The following NALF1 variants were observed in gnomAD, a reference collection of about 807,000 sequenced individuals.
NALF1 encodes NALCN channel auxiliary factor 1, also known as family with sequence similarity 155 member A.
NALF1 carries 3 observed loss-of-function variants against 48.4 expected under a neutral mutation model. That is an observed-to-expected ratio of 0.06 (90% CI 0.03 to 0.16). The LOEUF is 0.16. NALF1 is among the 10% of genes least tolerant of loss of function. The pLI, the probability that NALF1 is intolerant of heterozygous loss-of-function variation, is 1.00. For missense variants in NALF1, 526 were observed against 571.5 expected, an observed-to-expected ratio of 0.92 and a Z score of 0.81; for synonymous variants, 262 against 245.7, an observed-to-expected ratio of 1.07 and a Z score of -0.62.
intron 1 of NALF1, among the ~76,000 whole-genome samples, chr13:107,746,072 T>G: frequency 6.6e-6 from 1 of 152,184 alleles, no homozygotes; most frequent in East Asian, 1.9e-4. Context: ...TCTACCCTAA[T>G]TCAGCTTCCC....
intron 1 of NALF1, among the ~76,000 whole-genome samples, chr13:107,646,399 T>C (rs1880316042): frequency 6.6e-6 from 1 of 151,972 alleles, no homozygotes; most frequent in African/African-American, 2.4e-5. Flanking sequence ...AAATAAAATG[T>C]CATCTGATGG....
intron 1 of NALF1, among the ~76,000 whole-genome samples, chr13:107,307,065 G>A (rs1005668988): frequency 2.0e-5 from 3 of 152,160 alleles, no homozygotes; most frequent in African/African-American, 4.8e-5. Context: ...TTAATAACAC[G>A]TTTTCATATT....
intron 1 of NALF1, among the ~76,000 whole-genome samples, chr13:107,396,361 G>C (rs938819112): frequency 6.6e-6 from 1 of 152,230 alleles, no homozygotes; most frequent in South Asian, 2.1e-4. Context: ...TAAGGCCAGC[G>C]CCACATCCAG....
At chr13:107,467,836 G>T (rs553209242) in intron 1 of NALF1, among the ~76,000 whole-genome samples, 1 of 151,874 alleles carries the variant, frequency 6.6e-6, no homozygotes, top group African/African-American at 2.4e-5. Flanking sequence ...GTCAGGAGAC[G>T]GAGACCATTC....
intron 1 of NALF1, among the ~76,000 whole-genome samples, chr13:107,441,224 T>C (rs1019099105): frequency 2.0e-5 from 3 of 152,198 alleles, no homozygotes; most frequent in Non-Finnish European, 4.4e-5. Flanking sequence ...TTGATATATT[T>C]CACTGTTGGT....
chr13:107,451,324 T>C (rs1436769356), intron 1 of NALF1, among the ~76,000 whole-genome samples: 2 of 152,236 alleles, frequency 1.3e-5, no homozygotes, highest in African/African-American at 4.8e-5. Flanking sequence ...CAGGTTTTCC[T>C]GATTCCCCCT....
chr13:107,430,994 A>G (rs1566339460), intron 1 of NALF1, among the ~76,000 whole-genome samples: 1 of 152,150 alleles, frequency 6.6e-6, no homozygotes, highest in Non-Finnish European at 1.5e-5. Flanking sequence ...TCGCCATTCT[A>G]ACTGGTGTGA....
At chr13:107,855,728 T>C (rs2138645957) in intron 1 of NALF1, among the ~76,000 whole-genome samples, 1 of 152,346 alleles carries the variant, frequency 6.6e-6, no homozygotes, top group East Asian at 1.9e-4. Context: ...GAATTCTGGA[T>C]GTGCCATACT....
chr13:107,492,423 A>G lies in NALF1; in HGVS notation c.916-281668T>C, dbSNP rs1388407976. 2.6e-5 allele frequency among the ~76,000 whole-genome samples: 4 copies of G among 152,242 alleles called. No homozygotes were observed. The South Asian group carries it at 8.3e-4, about 32-fold the overall frequency. On this transcript the variant is annotated intron_variant, in intron 1 of 2. Transcript: ENST00000375915. The stretch of plus-strand genomic sequence containing the variant: ...AATGGTACCAGATTGATGGTCTACG[A>G]ACCCTACAGTATTGTCCTCTTGTTG...
intron 1 of NALF1, among the ~76,000 whole-genome samples, chr13:107,428,002 C>T (rs1008599143): frequency 1.1e-4 from 16 of 152,232 alleles, no homozygotes; most frequent in Admixed American, 8.5e-4. Context: ...TTATTTAAAG[C>T]AGAATGAAGT....
At chr13:107,835,729 A>G (rs993998654) in intron 1 of NALF1, among the ~76,000 whole-genome samples, 1 of 152,190 alleles carries the variant, frequency 6.6e-6, no homozygotes, top group Non-Finnish European at 1.5e-5. Context: ...GTGTGAAGTG[A>G]CAATATTAAC....
At chr13:107,396,818 C>T (rs1376620275) in intron 1 of NALF1, among the ~76,000 whole-genome samples, 3 of 152,150 alleles carry the variant, frequency 2.0e-5, no homozygotes, top group African/African-American at 7.2e-5. Context: ...ATCAGGAGCT[C>T]TGCGGATTTT....
In NALF1 at chr13:107,191,833, A is replaced by ATTTT. The variant is rs66566638; in HGVS notation, c.1087+18747_1087+18750dup. Among the ~76,000 whole-genome samples the ATTTT allele has an allele frequency of 5.9e-4, 66 of 112,184 alleles. 1 individual carries two copies. The Middle Eastern group carries it at 0.019, about 31-fold the overall frequency. 73.6% of individuals were successfully genotyped at this position (112,184 alleles called of 152,430 possible). A position where few individuals can be genotyped will look rare whatever the true frequency, so the allele number is the denominator to read the frequency against. ...ATTACAGGCTTGTGCCACTATGCCT[A>ATTTT]TTTTTTTTTTTTTTTTTTTTGTATT... On this transcript the variant is annotated intron_variant, in intron 2 of 2. Coordinates refer to ENST00000375915, the MANE Select transcript of NALF1 (RefSeq NM_001080396.3).
intron 1 of NALF1, among the ~76,000 whole-genome samples, chr13:107,725,605 A>G (rs1046089428): frequency 3.9e-5 from 6 of 152,014 alleles, no homozygotes; most frequent in Non-Finnish European, 5.9e-5. Flanking sequence ...CAGCTACTTG[A>G]ACCAGGGAAG....
At chr13:107,445,585 G>GAGCC (rs1884636126) in intron 1 of NALF1, among the ~76,000 whole-genome samples, 1 of 152,160 alleles carries the variant, frequency 6.6e-6, no homozygotes, top group South Asian at 2.1e-4. Flanking sequence ...GCCCAAGATT[G>GAGCC]CAATTACTGG....
intron 1 of NALF1, among the ~76,000 whole-genome samples, chr13:107,294,985 C>CTT (rs5806644): frequency 0.19 from 29,504 of 151,380 alleles, 3,491 homozygotes; most frequent in Non-Finnish European, 0.26. Flanking sequence ...TACTGAATTT[C>CTT]TTTTTTTTTC....
intron 1 of NALF1, among the ~76,000 whole-genome samples, chr13:107,352,107 T>A (rs141672258): frequency 6.6e-6 from 1 of 152,302 alleles, no homozygotes; most frequent in African/African-American, 2.4e-5. Flanking sequence ...CAAATTCGGT[T>A]GTATATGTCA....
chr13:107,641,683 T>C (rs1880161021), intron 1 of NALF1, among the ~76,000 whole-genome samples: 1 of 152,128 alleles, frequency 6.6e-6, no homozygotes, highest in African/African-American at 2.4e-5. Flanking sequence ...AGGCCTTGAA[T>C]TGAATAGTCG....
chr13:107,417,114 C>T (rs952918819), intron 1 of NALF1, among the ~76,000 whole-genome samples: 7 of 152,342 alleles, frequency 4.6e-5, no homozygotes, highest in African/African-American at 1.7e-4. Context: ...ATCTGGGACA[C>T]AATGCATACT....
Sources: gnomAD v4.1 joint callset for allele counts (sites outside exome capture counted in the v4.1 genomes callset) on GRCh38, gnomAD v4.1.1 for gene constraint, MANE v1.5 for transcripts, NCBI Gene and HGNC (gene_info 2026-07-23, HGNC 2026-07-21) for gene names.